Variants in METTL25 observed in about 807,000 individuals in gnomAD.
METTL25 encodes the protein probable methyltransferase-like protein 25.
A neutral mutation model predicts 71.6 loss-of-function variants in METTL25; 64 were observed. The ratio of observed to expected loss-of-function variants is 0.89; its 90% confidence interval spans 0.73 to 1.10. METTL25 has a LOEUF of 1.10. Ranked by LOEUF, METTL25 falls within the 50% of genes least tolerant of loss-of-function variation. The pLI, the probability that METTL25 is intolerant of heterozygous loss-of-function variation, is 0.00. For missense variants in METTL25, 807 were observed against 707.0 expected, an observed-to-expected ratio of 1.14 and a Z score of -1.60; for synonymous variants, 287 against 250.3, an observed-to-expected ratio of 1.15 and a Z score of -1.38.
intron 2 of METTL25, among the ~76,000 whole-genome samples, chr12:82,388,403 T>C (rs539817142): frequency 6.6e-5 from 10 of 152,192 alleles, no homozygotes; most frequent in African/African-American, 2.4e-4. Context: ...GAATTATGGC[T>C]CTTGGTAAGA....
intron 10 of METTL25, 73 bp downstream of exon 10, chr12:82,476,791 A>G (rs1237858492): frequency 4.3e-6 from 4 of 926,368 alleles, no homozygotes; most frequent in East Asian, 2.5e-5. Context: ...AAATTTTATT[A>G]TGGGCTAAGC....
At chr12:82,360,124 G>A (rs917942562) in intron 1 of METTL25, among the ~76,000 whole-genome samples, 1 of 152,174 alleles carries the variant, frequency 6.6e-6, no homozygotes, top group Non-Finnish European at 1.5e-5. Flanking sequence ...AGGAATTAAT[G>A]AGTTACTCAT....
At chr12:82,409,751 A>G (rs745708466) in intron 5 of METTL25, among the ~76,000 whole-genome samples, 88 of 152,140 alleles carry the variant, frequency 5.8e-4, no homozygotes, top group Non-Finnish European at 9.7e-4. Context: ...GCTTAACTTC[A>G]TGTTTACCCC....
chr12:82,435,507 T>C (rs1235621700), intron 7 of METTL25, among the ~76,000 whole-genome samples: 2 of 151,478 alleles, frequency 1.3e-5, no homozygotes, highest in Non-Finnish European at 3.0e-5. Context: ...TAAAATCTGA[T>C]TCTTTTGAAG....
chr12:82,387,086 C>A, intron 2 of METTL25, 119 bp downstream of exon 2: 2 of 787,980 alleles, frequency 2.5e-6, no homozygotes, highest in Non-Finnish European at 3.8e-6. Context: ...AATATATAAG[C>A]CCTGACAAAT....
chr12:82,394,546 A>G (rs1439365839), intron 3 of METTL25, among the ~76,000 whole-genome samples: 1 of 151,944 alleles, frequency 6.6e-6, no homozygotes, highest in Non-Finnish European at 1.5e-5. Flanking sequence ...GCATTCATTC[A>G]TTTAGCAAAT....
At chr12:82,477,598 A>G (rs1038401239) in intron 11 of METTL25, among the ~76,000 whole-genome samples, 1 of 151,812 alleles carries the variant, frequency 6.6e-6, no homozygotes, top group Non-Finnish European at 1.5e-5. Context: ...ATTACTATAC[A>G]TAGGCAGTGA....
intron 4 of METTL25, among the ~76,000 whole-genome samples, chr12:82,400,831 A>G (rs1414250235): frequency 2.0e-5 from 3 of 152,096 alleles, no homozygotes; most frequent in African/African-American, 7.2e-5. Flanking sequence ...TGGTGACTAC[A>G]TATTTTTGTC....
At chr12:82,363,827 A>G (rs1330508247) in intron 1 of METTL25, among the ~76,000 whole-genome samples, 1 of 152,072 alleles carries the variant, frequency 6.6e-6, no homozygotes, top group Non-Finnish European at 1.5e-5. Flanking sequence ...AAAGAATTGA[A>G]GGATAGTGTG....
intron 8 of METTL25, among the ~76,000 whole-genome samples, chr12:82,441,850 CA>C (rs1416996851): frequency 5.4e-5 from 7 of 128,722 alleles, no homozygotes; most frequent in Admixed American, 5.4e-4. Flanking sequence ...CCTGTGACTC[CA>C]CTCTCACCTA....
At chr12:82,371,614 A>G (rs1310782106) in intron 1 of METTL25, among the ~76,000 whole-genome samples, 1 of 151,876 alleles carries the variant, frequency 6.6e-6, no homozygotes, top group Non-Finnish European at 1.5e-5. Flanking sequence ...CTATTATAGA[A>G]CACCAAGATT....
intron 5 of METTL25, among the ~76,000 whole-genome samples, chr12:82,430,401 G>A (rs1184895842): frequency 6.6e-6 from 1 of 151,578 alleles, no homozygotes; most frequent in East Asian, 1.9e-4. Flanking sequence ...ATAAGAGCCT[G>A]TACAGCTGTT....
intron 9 of METTL25, among the ~76,000 whole-genome samples, chr12:82,466,472 T>TGA (rs1892240929): frequency 6.6e-6 from 1 of 152,078 alleles, no homozygotes; most frequent in Admixed American, 6.6e-5. Flanking sequence ...GGTATGATTT[T>TGA]GATTTTTTAA....
chr12:82,478,836 T>G, intron 11 of METTL25, 96 bp from the exon 12 acceptor site: 1 of 923,866 alleles, frequency 1.1e-6, no homozygotes, highest in Non-Finnish European at 1.6e-6. Flanking sequence ...AGCTTTGTTT[T>G]TATGTATTTT....
chr12:82,360,742 G>C (rs1351520724), intron 1 of METTL25, among the ~76,000 whole-genome samples: 2 of 152,156 alleles, frequency 1.3e-5, no homozygotes, highest in Non-Finnish European at 2.9e-5. Flanking sequence ...CTCACAAGGA[G>C]TATGGTCTTG....
At chr12:82,459,577 T>G (rs1043998974) in intron 9 of METTL25, among the ~76,000 whole-genome samples, 6 of 152,128 alleles carry the variant, frequency 3.9e-5, no homozygotes, top group Admixed American at 1.3e-4. Flanking sequence ...CAGTGAGCTG[T>G]GCTTGTGCCA....
At chr12:82,363,861 T>A (rs920385946) in intron 1 of METTL25, among the ~76,000 whole-genome samples, 6 of 151,580 alleles carry the variant, frequency 4.0e-5, no homozygotes, top group African/African-American at 1.2e-4. Context: ...AAAAAAAGAG[T>A]AAGTCAATAA....
intron 1 of METTL25, among the ~76,000 whole-genome samples, chr12:82,375,692 A>G (rs1854198938): frequency 6.6e-6 from 1 of 152,200 alleles, no homozygotes; most frequent in African/African-American, 2.4e-5. Flanking sequence ...ATTGAAATGA[A>G]TTTAAACCTA....
chr12:82,361,207 C>T (rs73149597), intron 1 of METTL25, among the ~76,000 whole-genome samples: 1 of 152,156 alleles, frequency 6.6e-6, no homozygotes, highest in Non-Finnish European at 1.5e-5. Flanking sequence ...CTAGTCCCCA[C>T]TAGATCAGCT....
Sources: gnomAD v4.1 joint callset for allele counts (sites outside exome capture counted in the v4.1 genomes callset) on GRCh38, gnomAD v4.1.1 for gene constraint, MANE v1.5 for transcripts, NCBI Gene and HGNC (gene_info 2026-07-23, HGNC 2026-07-21) for gene names.